RFX3: variants seen among roughly 807,000 people sequenced by gnomAD.
The protein encoded by RFX3 is regulatory factor X3, also known as transcription factor RFX3.
A neutral mutation model predicts 98.6 loss-of-function variants in RFX3; 14 were observed. The ratio of observed to expected loss-of-function variants is 0.14; its 90% CI spans 0.09 to 0.22. The LOEUF is 0.22. Ranked by LOEUF, RFX3 falls within the 10% of genes least tolerant of loss-of-function variation. The pLI is 1.00. For synonymous variants in RFX3, 383 were observed against 328.4 expected, an observed-to-expected ratio of 1.17 and a Z score of -1.80; for missense variants, 639 against 926.9, an observed-to-expected ratio of 0.69 and a Z score of 4.03.
At position 3,351,283 on chromosome 9, in the gene RFX3, T is replaced by TA. The variant is rs1443733678; in HGVS notation, c.118-4520dup. Reference sequence around the variant, plus strand: ...GAAAAATGAAGTGTTCTCAAGAAACTAAAATCTTTTTTTTAAAGTGTGTAT... The same window carrying TA: ...GAAAAATGAAGTGTTCTCAAGAAACTAAAAATCTTTTTTTTAAAGTGTGTAT... On this transcript the variant is annotated intron_variant, in intron 2 of 16. Transcript: ENST00000617270. Among the ~76,000 whole-genome samples, 24 of 152,150 alleles carry TA rather than the reference T, an allele frequency of 1.6e-4. No homozygotes were observed. The South Asian group carries it at 5.0e-3, about 32-fold the overall frequency.
At chr9:3,388,043 A>G (rs551206790) in intron 2 of RFX3, among the ~76,000 whole-genome samples, 2 of 152,300 alleles carry the variant, frequency 1.3e-5, no homozygotes, top group South Asian at 2.1e-4. Flanking sequence ...GCAATTTTTA[A>G]AAATCACTAC....
At position 3,275,017 on chromosome 9, in the gene RFX3, T is replaced by C. The variant is rs368200800; in HGVS notation, c.1086+483A>G. Among the ~76,000 whole-genome samples the C allele has an allele frequency of 5.8e-4, 89 of 152,202 alleles. No individual in the cohort carries two copies. In the Middle Eastern group the frequency reaches 0.027, roughly 47 times the overall value. ...TTTCTTTTAACTTTAAATCTCGAAG[T>C]GATCCATTTTGGTATGTGTATAGAG... On this transcript the variant is annotated intron_variant, in intron 9 of 16. Transcript: ENST00000617270.
rs141979759 is a variant in RFX3 at position 3,268,504 on chromosome 9, T to G, written c.1357+1867A>C. Among the ~76,000 whole-genome samples the G allele has an allele frequency of 2.5e-3, 386 of 151,860 alleles. 3 individuals carry two copies. Among genetic ancestry groups the G allele is most frequent in the African/African-American group, 8.9e-3 (371 of 41,524 alleles). On this transcript the variant is annotated intron_variant, in intron 11 of 16. Coordinates refer to ENST00000617270, the MANE Select transcript of RFX3 (RefSeq NM_001282116.2). ...GAAGATAGCTATCTAAATTGTATTT[T>G]AAGCTTTACTTTGCTACACCTCATT... is the stretch of plus-strand genomic sequence containing the variant.
chr9:3,259,009 T>C (rs1316035745), intron 13 of RFX3, among the ~76,000 whole-genome samples: 1 of 151,998 alleles, frequency 6.6e-6, no homozygotes, highest in Non-Finnish European at 1.5e-5. Context: ...CATCTTTCCA[T>C]GTAGGCAAAT....
intron 2 of RFX3, chr9:3,394,806 G>GGCCA (rs1394163399): frequency 2.0e-6 from 2 of 983,748 alleles, no homozygotes; most frequent in African/African-American, 3.5e-5. Flanking sequence ...AGAAATCACA[G>GGCCA]GCCAGTGTGT....
At chr9:3,430,479 C>G (rs1379297389) in intron 1 of RFX3, among the ~76,000 whole-genome samples, 1 of 152,154 alleles carries the variant, frequency 6.6e-6, no homozygotes, top group African/African-American at 2.4e-5. Context: ...CCATTACCAT[C>G]AAATGAACAT....
At chr9:3,480,137 G>A (rs961724939) in intron 1 of RFX3, among the ~76,000 whole-genome samples, 2 of 152,170 alleles carry the variant, frequency 1.3e-5, no homozygotes, top group Non-Finnish European at 2.9e-5. Context: ...CATTTTATTT[G>A]GTCATAATTC....
chr9:3,234,414 G>A (rs950950801), intron 15 of RFX3, among the ~76,000 whole-genome samples: 11 of 152,298 alleles, frequency 7.2e-5, no homozygotes, highest in South Asian at 2.1e-4. Flanking sequence ...ACAGGTGTGC[G>A]TATTGCTTAA....
At chr9:3,262,392 T>C (rs762120149) in intron 13 of RFX3, among the ~76,000 whole-genome samples, 2 of 152,216 alleles carry the variant, frequency 1.3e-5, no homozygotes, top group East Asian at 3.8e-4. Flanking sequence ...GTTGAACTTA[T>C]TGCATATAAT....
chr9:3,252,737 G>A (rs915665240), intron 14 of RFX3, among the ~76,000 whole-genome samples: 3 of 152,030 alleles, frequency 2.0e-5, no homozygotes, highest in Non-Finnish European at 2.9e-5. Context: ...CTTTTGGATG[G>A]TTAGGCAATC....
intron 1 of RFX3, among the ~76,000 whole-genome samples, chr9:3,456,390 T>C (rs1847154378): frequency 6.6e-6 from 1 of 152,226 alleles, no homozygotes; most frequent in African/African-American, 2.4e-5. Context: ...TTACAGACCA[T>C]CTTAATTTCA....
chr9:3,459,408 G>C (rs749938414), intron 1 of RFX3, among the ~76,000 whole-genome samples: 5 of 152,062 alleles, frequency 3.3e-5, no homozygotes, highest in African/African-American at 7.2e-5. Flanking sequence ...AAGACACATG[G>C]TAAGTTTCAG....
In RFX3 at chr9:3,224,335, G is replaced by A. The variant is rs1170514292; in HGVS notation, c.*707C>T. 2 of 152,138 alleles carry A rather than the reference G, an allele frequency of 1.3e-5. No individual in the cohort carries two copies. The highest frequency in any genetic ancestry group is 2.9e-5 in the Non-Finnish European group (2 of 68,042). 9.4% of individuals were successfully genotyped at this position (152,138 alleles called of 1,614,324 possible). Reference sequence around the variant, plus strand: ...AGTTAAAATTCAATGTTTAACGGAAGCTTGCATTGTTAACATGGTTTAATA... The same window carrying A: ...AGTTAAAATTCAATGTTTAACGGAAACTTGCATTGTTAACATGGTTTAATA... On this transcript the variant is annotated 3_prime_UTR_variant, in exon 17 of 17. Transcript: ENST00000617270.
chr9:3,403,005 T>C lies in RFX3; in HGVS notation c.-8-7409A>G, dbSNP rs145316084. The stretch of plus-strand genomic sequence containing the variant: ...AGTAGAAATTATTAATGCATATATA[T>C]GTTACACATATATATGTATTTTAAA... On this transcript the variant is annotated intron_variant, in intron 1 of 16. Coordinates refer to ENST00000617270, the MANE Select transcript of RFX3 (RefSeq NM_001282116.2). Among the ~76,000 whole-genome samples, 237 of 152,180 alleles carry C rather than the reference T, an allele frequency of 1.6e-3. 3 individuals are homozygous for C. The East Asian group carries it at 0.03, about 19-fold the overall frequency.
intron 2 of RFX3, among the ~76,000 whole-genome samples, chr9:3,370,690 AT>A: frequency 6.6e-6 from 1 of 152,276 alleles, no homozygotes; most frequent in Non-Finnish European, 1.5e-5. Flanking sequence ...TTTACTGTAA[AT>A]AAATTATAGC....
chr9:3,416,586 T>A (rs1843002842), intron 1 of RFX3, among the ~76,000 whole-genome samples: 1 of 152,202 alleles, frequency 6.6e-6, no homozygotes, highest in African/African-American at 2.4e-5. Context: ...AGTATGGTCC[T>A]CTATCCCATT....
chr9:3,422,425 G>A (rs538462820), intron 1 of RFX3, among the ~76,000 whole-genome samples: 2 of 152,286 alleles, frequency 1.3e-5, no homozygotes, highest in East Asian at 3.9e-4. Context: ...GAAACACTGT[G>A]GCTATTCCAC....
At chr9:3,313,804 G>A (rs942423940) in intron 4 of RFX3, among the ~76,000 whole-genome samples, 5 of 152,134 alleles carry the variant, frequency 3.3e-5, no homozygotes, top group African/African-American at 7.2e-5. Flanking sequence ...GAAGTGAAGC[G>A]AGAAGAGAAG....
intron 2 of RFX3, among the ~76,000 whole-genome samples, chr9:3,359,585 A>G (rs997386967): frequency 9.2e-5 from 14 of 152,140 alleles, no homozygotes; most frequent in African/African-American, 3.4e-4. Context: ...CCAAGTGCAC[A>G]TATAGAGCAG....
Sources: allele counts gnomAD v4.1 joint callset (sites outside exome capture counted in the v4.1 genomes callset), GRCh38; gene constraint gnomAD v4.1.1; transcripts MANE v1.5; gene names NCBI Gene and HGNC (gene_info 2026-07-23, HGNC 2026-07-21).